ATOSA: variants seen among roughly 807,000 people sequenced by gnomAD.
ATOSA encodes atos homolog A.
At chr15:52,591,583 T>C in the ATOSA span, among the ~76,000 whole-genome samples, 1 of 152,182 alleles carries the variant, frequency 6.6e-6, no homozygotes, top group African/African-American at 2.4e-5. Context: ...CTTTCCATCC[T>C]CTATTACTAT....
At chr15:52,626,759 C>T in the ATOSA span, among the ~76,000 whole-genome samples, 1 of 151,946 alleles carries the variant, frequency 6.6e-6, no homozygotes, top group Admixed American at 6.6e-5. Context: ...TCCAGTGTGC[C>T]AAACTCTACC....
chr15:52,614,182 T>C, the ATOSA span, among the ~76,000 whole-genome samples: 1 of 152,140 alleles, frequency 6.6e-6, no homozygotes, highest in Non-Finnish European at 1.5e-5. Flanking sequence ...CTCGGCTCAC[T>C]GCAACCTCCG....
At chr15:52,613,630 A>T in the ATOSA span, 1 of 1,555,812 alleles carries the variant, frequency 6.4e-7, no homozygotes, top group Non-Finnish European at 8.8e-7. Context: ...AACATAAACT[A>T]GTTTATATAA....
At chr15:52,627,569 C>T in the ATOSA span, among the ~76,000 whole-genome samples, 3 of 151,978 alleles carry the variant, frequency 2.0e-5, no homozygotes, top group African/African-American at 4.8e-5. Flanking sequence ...TGAAGTATGA[C>T]CAACTGAAGA....
the ATOSA span, among the ~76,000 whole-genome samples, chr15:52,619,809 T>A: frequency 6.6e-6 from 1 of 150,424 alleles, no homozygotes; most frequent in African/African-American, 2.5e-5. Flanking sequence ...CCAGCCTGGG[T>A]GACAGAGAGA....
chr15:52,593,271 C>A, the ATOSA span: 1 of 245,604 alleles, frequency 4.1e-6, no homozygotes, highest in African/African-American at 2.3e-5. Flanking sequence ...GGACACAGTG[C>A]ACACTAAGCA....
the ATOSA span, among the ~76,000 whole-genome samples, chr15:52,689,357 A>G: frequency 6.6e-6 from 1 of 152,304 alleles, no homozygotes; most frequent in Admixed American, 6.5e-5. Context: ...CTGTCTCTTC[A>G]TCAGGATGTA....
chr15:52,622,696 GAGCTAGCCATTCAAAA>G, the ATOSA span, among the ~76,000 whole-genome samples: 6 of 152,174 alleles, frequency 3.9e-5, no homozygotes, highest in African/African-American at 1.4e-4. Flanking sequence ...GAATGACAAG[GAGCTAGCCATTCAAAA>G]ATTAGGGGAA....
At chr15:52,613,194 C>T in the ATOSA span, among the ~76,000 whole-genome samples, 32 of 152,006 alleles carry the variant, frequency 2.1e-4, no homozygotes, top group Non-Finnish European at 4.1e-4. Flanking sequence ...GACAAAACAC[C>T]GCCTCTACTA....
At chr15:52,586,920 T>G in the ATOSA span, 5 of 657,616 alleles carry the variant, frequency 7.6e-6, no homozygotes, top group Non-Finnish European at 1.1e-5. Context: ...TTATGCAAAC[T>G]GTCATATGCT....
chr15:52,584,476 T>C, the ATOSA span, among the ~76,000 whole-genome samples: 1 of 152,110 alleles, frequency 6.6e-6, no homozygotes, highest in Non-Finnish European at 1.5e-5. Flanking sequence ...GTTTAGAAAA[T>C]GTGTTTCACT....
At chr15:52,609,748 G>A in the ATOSA span, 1 of 1,613,724 alleles carries the variant, frequency 6.2e-7, no homozygotes, top group Non-Finnish European at 8.5e-7. Flanking sequence ...AGAAACATGT[G>A]AAGTGCTTGG....
At chr15:52,597,451 T>C in the ATOSA span, among the ~76,000 whole-genome samples, 2 of 152,218 alleles carry the variant, frequency 1.3e-5, no homozygotes, top group African/African-American at 2.4e-5. Flanking sequence ...GAATGAACTC[T>C]TGATATGCAG....
At chr15:52,632,619 T>C in the ATOSA span, among the ~76,000 whole-genome samples, 1 of 152,330 alleles carries the variant, frequency 6.6e-6, no homozygotes, top group East Asian at 1.9e-4. Flanking sequence ...GAATTATTAA[T>C]TAGTTTTCGG....
At chr15:52,614,481 T>C in the ATOSA span, among the ~76,000 whole-genome samples, 1 of 152,258 alleles carries the variant, frequency 6.6e-6, no homozygotes, top group East Asian at 1.9e-4. Context: ...GAGAAATTTA[T>C]AAAATTCAGA....
chr15:52,691,552 C>G, the ATOSA span, among the ~76,000 whole-genome samples: 2 of 152,094 alleles, frequency 1.3e-5, no homozygotes, highest in African/African-American at 4.8e-5. Context: ...AGGTAGAGAA[C>G]CCAAATAGAT....
chr15:52,582,343 A>G, the ATOSA span: 1 of 1,504,238 alleles, frequency 6.6e-7, no homozygotes, highest in Non-Finnish European at 8.8e-7. Flanking sequence ...CATTTCAGAG[A>G]ACGAGTCTTT....
chr15:52,651,010 T>C, the ATOSA span, among the ~76,000 whole-genome samples: 1 of 152,174 alleles, frequency 6.6e-6, no homozygotes, highest in Admixed American at 6.5e-5. Context: ...ACAGACCAAT[T>C]TTTCCAGATC....
At chr15:52,582,630 G>A in the ATOSA span, among the ~76,000 whole-genome samples, 1 of 152,116 alleles carries the variant, frequency 6.6e-6, no homozygotes, top group Non-Finnish European at 1.5e-5. Context: ...CTCATCTGCA[G>A]GTTCACGTGG....
Sources: allele counts gnomAD v4.1 joint callset (sites outside exome capture counted in the v4.1 genomes callset), GRCh38; gene constraint gnomAD v4.1.1; transcripts MANE v1.5; gene names NCBI Gene and HGNC (gene_info 2026-07-23, HGNC 2026-07-21).